Variants in XPR1 observed in about 807,000 individuals in gnomAD.
XPR1 encodes the protein xenotropic and polytropic retrovirus receptor 1, also known as solute carrier family 53 member 1.
A neutral mutation model predicts 87.5 loss-of-function variants in XPR1; 28 were observed. The ratio of observed to expected loss-of-function variants is 0.32; its 90% CI spans 0.24 to 0.44. The LOEUF (loss-of-function observed/expected upper bound fraction) is 0.44. XPR1 is among the 20% of genes least tolerant of loss of function. The pLI is 1.00. For missense variants in XPR1, 559 were observed against 862.3 expected, an observed-to-expected ratio of 0.65 and a Z score of 4.41; for synonymous variants, 300 against 306.1, an observed-to-expected ratio of 0.98 and a Z score of 0.21.
chr1:180,722,617 T>G (rs1557974275), intron 2 of XPR1, among the ~76,000 whole-genome samples: 1 of 152,198 alleles, frequency 6.6e-6, no homozygotes, highest in Non-Finnish European at 1.5e-5. Flanking sequence ...ATAAGTTAAT[T>G]TATAGTTATT....
chr1:180,714,479 G>A (rs536970131), intron 2 of XPR1, among the ~76,000 whole-genome samples: 4 of 148,246 alleles, frequency 2.7e-5, no homozygotes, highest in East Asian at 2.1e-4. Flanking sequence ...ATCATAGCAC[G>A]CTGTAACCTC....
chr1:180,740,188 C>G (rs1407205660), intron 2 of XPR1, among the ~76,000 whole-genome samples: 1 of 152,122 alleles, frequency 6.6e-6, no homozygotes, highest in Non-Finnish European at 1.5e-5. Flanking sequence ...ATTGCACTGA[C>G]CAGGATTTTC....
intron 2 of XPR1, among the ~76,000 whole-genome samples, chr1:180,707,047 AAG>A (rs1408360490): frequency 1.3e-5 from 2 of 152,242 alleles, no homozygotes; most frequent in Admixed American, 1.3e-4. Context: ...TATTTTAAAA[AAG>A]AAATATTTAC....
At chr1:180,681,968 A>T (rs1354915070) in intron 1 of XPR1, among the ~76,000 whole-genome samples, 1 of 152,248 alleles carries the variant, frequency 6.6e-6, no homozygotes, top group Non-Finnish European at 1.5e-5. Flanking sequence ...CATGTACCTT[A>T]CTACAATTTT....
intron 2 of XPR1, among the ~76,000 whole-genome samples, chr1:180,739,569 G>C (rs962214210): frequency 6.6e-6 from 1 of 152,146 alleles, no homozygotes; most frequent in African/African-American, 2.4e-5. Context: ...ATTATGGAAA[G>C]TGTCTCCATT....
intron 2 of XPR1, among the ~76,000 whole-genome samples, chr1:180,784,650 T>C (rs1271524731): frequency 6.6e-6 from 1 of 152,010 alleles, no homozygotes; most frequent in African/African-American, 2.4e-5. Context: ...TGTTCTATTT[T>C]TTATAGTATT....
chr1:180,648,286 G>A (rs1655185951), intron 1 of XPR1, among the ~76,000 whole-genome samples: 1 of 152,136 alleles, frequency 6.6e-6, no homozygotes, highest in Non-Finnish European at 1.5e-5. Context: ...AGAGGTTAAG[G>A]TTCTAGGTCT....
chr1:180,635,428 C>T (rs1021136247), intron 1 of XPR1, among the ~76,000 whole-genome samples: 1 of 152,104 alleles, frequency 6.6e-6, no homozygotes, highest in African/African-American at 2.4e-5. Flanking sequence ...ACTAATATGA[C>T]CATGTTAATA....
intron 1 of XPR1, among the ~76,000 whole-genome samples, chr1:180,645,772 C>T (rs1449241947): frequency 1.3e-5 from 2 of 152,172 alleles, no homozygotes; most frequent in Non-Finnish European, 2.9e-5. Context: ...GTTCAGGTGA[C>T]ATTTTTCAGC....
In XPR1 at chr1:180,804,361, A is replaced by T. The variant is rs551603338; in HGVS notation, c.447+750A>T. Among the ~76,000 whole-genome samples, 4 of 152,342 alleles carry T rather than the reference A, an allele frequency of 2.6e-5. No homozygotes were observed. The East Asian group carries it at 5.8e-4, about 22-fold the overall frequency. On this transcript the variant is annotated intron_variant, in intron 4 of 14. Coordinates refer to ENST00000367590, the MANE Select transcript of XPR1 (RefSeq NM_004736.4). ...GTTAATTTTTCTGCAGCTGACACTA[A>T]TAAAACAAAGACCCTGACTTTTCAA...
At chr1:180,874,588 G>C (rs1652602444) in intron 13 of XPR1, among the ~76,000 whole-genome samples, 1 of 152,066 alleles carries the variant, frequency 6.6e-6, no homozygotes. Context: ...TACTCGGGAG[G>C]CTGAGGCAGG....
At chr1:180,844,249 T>C (rs955242624) in intron 11 of XPR1, among the ~76,000 whole-genome samples, 11 of 152,100 alleles carry the variant, frequency 7.2e-5, no homozygotes, top group Non-Finnish European at 1.5e-4. Flanking sequence ...TATACAGGAG[T>C]TTGTCTAATT....
chr1:180,738,886 T>G (rs1658826672), intron 2 of XPR1, among the ~76,000 whole-genome samples: 1 of 152,204 alleles, frequency 6.6e-6, no homozygotes, highest in Non-Finnish European at 1.5e-5. Flanking sequence ...AGTTTTTTTG[T>G]TTTGATTAAG....
At chr1:180,791,726 AG>A (rs1339918261) in intron 3 of XPR1, among the ~76,000 whole-genome samples, 1 of 152,236 alleles carries the variant, frequency 6.6e-6, no homozygotes, top group Non-Finnish European at 1.5e-5. Context: ...GTACATCTTT[AG>A]TACTTGTAGT....
chr1:180,875,340 CT>C (rs1361766068), intron 13 of XPR1, among the ~76,000 whole-genome samples: 2 of 151,898 alleles, frequency 1.3e-5, no homozygotes, highest in African/African-American at 4.8e-5. Flanking sequence ...CAAAACACAT[CT>C]CTACAAAAAA....
At chr1:180,764,850 A>G (rs1463740483) in intron 2 of XPR1, among the ~76,000 whole-genome samples, 1 of 149,474 alleles carries the variant, frequency 6.7e-6, no homozygotes, top group Admixed American at 6.7e-5. Context: ...CAGTGGCGCA[A>G]TCTGGGCTCA....
intron 1 of XPR1, among the ~76,000 whole-genome samples, chr1:180,636,469 T>G (rs1654762382): frequency 6.6e-6 from 1 of 152,212 alleles, no homozygotes; most frequent in Non-Finnish European, 1.5e-5. Context: ...TTTATCATCT[T>G]TAAGTGTGTC....
At chr1:180,644,300 G>T (rs140007984) in intron 1 of XPR1, among the ~76,000 whole-genome samples, 2 of 152,076 alleles carry the variant, frequency 1.3e-5, no homozygotes, top group Non-Finnish European at 2.9e-5. Context: ...TCAGGTCCTC[G>T]GGTAGGGGTG....
intron 2 of XPR1, among the ~76,000 whole-genome samples, chr1:180,760,467 A>G (rs1483448294): frequency 1.3e-5 from 2 of 152,200 alleles, no homozygotes; most frequent in Non-Finnish European, 2.9e-5. Context: ...TTATACACCA[A>G]TAACAGACAA....
Sources: allele counts gnomAD v4.1 joint callset (sites outside exome capture counted in the v4.1 genomes callset), GRCh38; gene constraint gnomAD v4.1.1; transcripts MANE v1.5; gene names NCBI Gene and HGNC (gene_info 2026-07-23, HGNC 2026-07-21).